The following STK39 variants were observed in gnomAD, a reference collection of about 807,000 sequenced individuals.
The protein encoded by STK39 is STE20/SPS1-related proline-alanine-rich protein kinase.
In STK39, 20 loss-of-function variants were observed where a neutral mutation model predicts 77.8. The ratio of observed to expected loss-of-function variants is 0.26; its 90% CI spans 0.18 to 0.37. The LOEUF is 0.37. STK39 is among the 10% of genes least tolerant of loss of function. The probability of loss-of-function intolerance (pLI) is 1.00; values close to 1 mark genes in which losing one functional copy is unlikely to be tolerated. For synonymous variants in STK39, 246 were observed against 234.1 expected (o/e 1.05, Z -0.47); for missense variants, 479 against 656.5 (o/e 0.73, Z 2.95).
intron 4 of STK39, among the ~76,000 whole-genome samples, chr2:168,163,185 T>C (rs145803831): frequency 1.3e-5 from 2 of 152,304 alleles, no homozygotes; most frequent in Non-Finnish European, 2.9e-5. Context: ...CAAGCACTCA[T>C]ATTCTATGTG....
chr2:167,960,148 G>A (rs1412803928), intron 17 of STK39, among the ~76,000 whole-genome samples: 2 of 152,170 alleles, frequency 1.3e-5, no homozygotes, highest in Non-Finnish European at 2.9e-5. Context: ...CAAGTGGAAG[G>A]TTTCCTCCCT....
intron 16 of STK39, among the ~76,000 whole-genome samples, chr2:167,987,002 C>T (rs1267260893): frequency 6.6e-6 from 1 of 152,132 alleles, no homozygotes; most frequent in Non-Finnish European, 1.5e-5. Context: ...AGACTGTGGG[C>T]TGTATGTGTA....
intron 10 of STK39, among the ~76,000 whole-genome samples, chr2:168,086,951 G>A (rs527926567): frequency 6.6e-6 from 1 of 152,298 alleles, no homozygotes; most frequent in South Asian, 2.1e-4. Flanking sequence ...AATGGCAACA[G>A]CTAAGAGCCA....
chr2:168,153,904 G>A (rs1688358269), intron 5 of STK39, among the ~76,000 whole-genome samples: 1 of 152,188 alleles, frequency 6.6e-6, no homozygotes, highest in East Asian at 1.9e-4. Context: ...AATGGCAAGG[G>A]GTTGGAGGGT....
chr2:167,955,430 G>A lies in STK39; in HGVS notation c.*66C>T. The A allele has an allele frequency of 1.3e-6, 2 of 1,485,656 alleles. No homozygotes were observed. Among genetic ancestry groups the A allele is most frequent in the Non-Finnish European group, 1.9e-6 (2 of 1,080,682 alleles). 92.0% of individuals were successfully genotyped at this position (1,485,656 alleles called of 1,614,324 possible). The stretch of plus-strand genomic sequence containing the variant: ...GTGGGAGGAAATGGGCAGAAAGAGG[G>A]AGGGTTGAAGGGAGTAGGGGTGGCG... On this transcript the variant is annotated 3_prime_UTR_variant, in exon 18 of 18. Coordinates refer to ENST00000355999, the MANE Select transcript of STK39 (RefSeq NM_013233.3).
chr2:168,186,171 T>A (rs1462965153), intron 1 of STK39, among the ~76,000 whole-genome samples: 1 of 152,134 alleles, frequency 6.6e-6, no homozygotes, highest in African/African-American at 2.4e-5. Context: ...AATAGAGAGC[T>A]TACTTTCCCT....
intron 2 of STK39, among the ~76,000 whole-genome samples, chr2:168,170,534 C>T (rs7589259): frequency 0.43 from 65,724 of 152,114 alleles, 16,252 homozygotes; most frequent in East Asian, 0.77. Context: ...AAGATGCAGA[C>T]TCCCATTCGG....
chr2:168,064,315 C>T (rs1685740358), intron 13 of STK39, among the ~76,000 whole-genome samples: 1 of 152,128 alleles, frequency 6.6e-6, no homozygotes, highest in Admixed American at 6.5e-5. Context: ...CCCTCTGATC[C>T]ATTATTATTC....
At chr2:168,216,826 G>A (rs574551510) in intron 1 of STK39, among the ~76,000 whole-genome samples, 216 of 152,290 alleles carry the variant, frequency 1.4e-3, no homozygotes, top group Non-Finnish European at 1.7e-3. Context: ...CTTGGTCACC[G>A]GCTCTGTGCC....
chr2:168,069,886 C>T (rs911323908), intron 12 of STK39, among the ~76,000 whole-genome samples: 1 of 152,142 alleles, frequency 6.6e-6, no homozygotes, highest in Non-Finnish European at 1.5e-5. Context: ...AAGAGTGTTA[C>T]TTTAATAGAA....
chr2:168,145,763 T>C (rs918295924), intron 5 of STK39, among the ~76,000 whole-genome samples: 15 of 152,224 alleles, frequency 9.9e-5, no homozygotes, highest in Admixed American at 8.5e-4. Flanking sequence ...GAATGTCCAG[T>C]GCTGGGGGGG....
At chr2:168,023,647 T>C (rs1684627080) in intron 14 of STK39, among the ~76,000 whole-genome samples, 1 of 152,136 alleles carries the variant, frequency 6.6e-6, no homozygotes, top group Non-Finnish European at 1.5e-5. Flanking sequence ...AGCAGCAGTA[T>C]GAGGGCACTC....
At chr2:168,173,382 A>G (rs375151129) in intron 2 of STK39, among the ~76,000 whole-genome samples, 3 of 152,322 alleles carry the variant, frequency 2.0e-5, no homozygotes. Context: ...ATATTCACAA[A>G]TAACCGAATA....
chr2:168,163,488 CTTGT>C (rs1559127858), intron 4 of STK39, among the ~76,000 whole-genome samples: 1 of 152,200 alleles, frequency 6.6e-6, no homozygotes, highest in African/African-American at 2.4e-5. Context: ...AATTTATTCT[CTTGT>C]TTCTTTCTTA....
intron 1 of STK39, among the ~76,000 whole-genome samples, chr2:168,190,275 T>C (rs1348002013): frequency 5.9e-5 from 9 of 152,192 alleles, no homozygotes; most frequent in African/African-American, 2.2e-4. Flanking sequence ...AAGTTGGGTC[T>C]ACACAGAGGA....
intron 10 of STK39, among the ~76,000 whole-genome samples, chr2:168,112,054 C>T (rs1687132882): frequency 6.6e-6 from 1 of 151,664 alleles, no homozygotes. Context: ...GGTCCCTGCT[C>T]TTTAACTTAC....
intron 1 of STK39, 74 bp from the exon 2 acceptor site, chr2:168,182,164 A>C: frequency 7.8e-7 from 1 of 1,285,224 alleles, no homozygotes; most frequent in Non-Finnish European, 1.1e-6. Flanking sequence ...TATTTTCCTA[A>C]AGATCAATTT....
intron 5 of STK39, among the ~76,000 whole-genome samples, chr2:168,157,373 G>A (rs940507680): frequency 3.3e-5 from 5 of 152,136 alleles, no homozygotes; most frequent in Non-Finnish European, 7.4e-5. Flanking sequence ...TTTTATTTCT[G>A]TTATGTAAAA....
intron 10 of STK39, among the ~76,000 whole-genome samples, chr2:168,120,141 T>C (rs1476548630): frequency 6.6e-6 from 1 of 152,224 alleles, no homozygotes; most frequent in African/African-American, 2.4e-5. Context: ...TATAGCTTTT[T>C]AAAAATCATT....
Sources: allele counts gnomAD v4.1 joint callset (sites outside exome capture counted in the v4.1 genomes callset), GRCh38; gene constraint gnomAD v4.1.1; transcripts MANE v1.5; gene names NCBI Gene and HGNC (gene_info 2026-07-23, HGNC 2026-07-21).